Variants in PKIB observed in about 807,000 individuals in gnomAD.
PKIB encodes cAMP-dependent protein kinase inhibitor beta.
Under a neutral mutation model 4.5 loss-of-function variants are expected in PKIB, and 2 were observed. The observed-to-expected ratio is 0.44, with a 90% CI of 0.18 to 1.39. The LOEUF (loss-of-function observed/expected upper bound fraction) is 1.39. Among genes scored for constraint, PKIB ranks in the 40% most tolerant of loss-of-function variants. PKIB has a pLI of 0.27. For synonymous variants in PKIB, 38 were observed against 36.0 expected (o/e 1.06, Z -0.20); for missense variants, 94 against 92.6 (o/e 1.02, Z -0.06).
In PKIB at chr6:122,600,014, T is replaced by G. The variant is rs200491235; in HGVS notation, c.-161+14007T>G. ...ATCTATATCTATATCTATATCTATA[T>G]CTATATCTATATCTATAGCTATATC... On this transcript the variant is annotated intron_variant, in intron 3 of 6. Coordinates refer to the PKIB transcript ENST00000392491. 8.3e-4 allele frequency among the ~76,000 whole-genome samples: 87 copies of G among 105,126 alleles called. 1 individual carries two copies. Among genetic ancestry groups the G allele is most frequent in the East Asian group, 9.6e-4 (3 of 3,120 alleles). The allele number at this position is 105,126 out of a possible 152,430, so 69.0% of individuals were successfully genotyped here.
intron 1 of PKIB, among the ~76,000 whole-genome samples, chr6:122,473,337 TG>T (rs1364834982): frequency 6.6e-6 from 1 of 152,174 alleles, no homozygotes; most frequent in Non-Finnish European, 1.5e-5. Context: ...AATTTAAATT[TG>T]CACAGATTCT....
At chr6:122,599,227 G>C (rs1274161017) in intron 3 of PKIB, among the ~76,000 whole-genome samples, 1 of 152,148 alleles carries the variant, frequency 6.6e-6, no homozygotes, top group Non-Finnish European at 1.5e-5. Context: ...TGGCAGCATG[G>C]GTCAGGAAGG....
At chr6:122,483,430 G>A (rs1775682071) in intron 2 of PKIB, 1 of 152,080 alleles carries the variant, frequency 6.6e-6, no homozygotes, top group African/African-American at 2.4e-5. Context: ...TTTTGTGTAT[G>A]CATATAGAAG....
chr6:122,580,626 C>G (rs1015458759), intron 2 of PKIB, among the ~76,000 whole-genome samples: 1 of 152,068 alleles, frequency 6.6e-6, no homozygotes, highest in African/African-American at 2.4e-5. Context: ...GCTGCTGAAA[C>G]TTGGGGACTG....
At chr6:122,635,844 A>G (rs900940558) in intron 2 of PKIB, among the ~76,000 whole-genome samples, 4 of 152,110 alleles carry the variant, frequency 2.6e-5, no homozygotes, top group Non-Finnish European at 5.9e-5. Flanking sequence ...TTAGGAATAG[A>G]GAGATGTCAT....
chr6:122,564,541 A>C (rs1173228593), intron 2 of PKIB, among the ~76,000 whole-genome samples: 5 of 152,138 alleles, frequency 3.3e-5, no homozygotes, highest in Admixed American at 6.5e-5. Context: ...CATAATAGAT[A>C]AAATAAAGTA....
intron 3 of PKIB, among the ~76,000 whole-genome samples, chr6:122,706,970 A>G (rs1169783660): frequency 6.6e-6 from 1 of 152,056 alleles, no homozygotes; most frequent in East Asian, 1.9e-4. Context: ...GTTTTTAAAT[A>G]TTTTAGATAT....
intron 1 of PKIB, among the ~76,000 whole-genome samples, chr6:122,476,864 C>T (rs961800179): frequency 6.6e-6 from 1 of 152,066 alleles, no homozygotes; most frequent in African/African-American, 2.4e-5. Context: ...TCACCCAAAA[C>T]GTTATTTATT....
chr6:122,498,439 A>C (rs1582659083), intron 2 of PKIB, among the ~76,000 whole-genome samples: 1 of 152,210 alleles, frequency 6.6e-6, no homozygotes, highest in African/African-American at 2.4e-5. Context: ...TCAAGATGAG[A>C]TCTGGGTGTG....
intron 2 of PKIB, among the ~76,000 whole-genome samples, chr6:122,650,602 C>A (rs1776514541): frequency 4.6e-5 from 7 of 152,150 alleles, no homozygotes; most frequent in Admixed American, 3.9e-4. Context: ...ATGATTAAGG[C>A]TGCCTGGGAG....
chr6:122,478,326 T>C (rs1775505814), intron 2 of PKIB: 1 of 152,208 alleles, frequency 6.6e-6, no homozygotes, highest in Non-Finnish European at 1.5e-5. Flanking sequence ...TTTCTAGGAA[T>C]CATCCAGTTT....
intron 3 of PKIB, among the ~76,000 whole-genome samples, chr6:122,704,190 T>A (rs1358548385): frequency 1.3e-5 from 2 of 152,110 alleles, no homozygotes; most frequent in Non-Finnish European, 2.9e-5. Flanking sequence ...CTTCTCTCTA[T>A]CTTTTTATTC....
At chr6:122,613,773 A>G (rs9320882) in intron 1 of PKIB, among the ~76,000 whole-genome samples, 90,901 of 151,454 alleles carry the variant, frequency 0.6, 28,814 homozygotes, top group Non-Finnish European at 0.72. Context: ...AGACCATCCT[A>G]GCCAACATGG....
At chr6:122,698,142 A>G (rs1364811072) in intron 3 of PKIB, among the ~76,000 whole-genome samples, 1 of 152,168 alleles carries the variant, frequency 6.6e-6, no homozygotes, top group Admixed American at 6.5e-5. Context: ...ACAACTCTCT[A>G]CTGAGCTCTA....
chr6:122,502,727 TC>T (rs1402733868), intron 2 of PKIB, among the ~76,000 whole-genome samples: 3 of 152,192 alleles, frequency 2.0e-5, no homozygotes, highest in African/African-American at 7.2e-5. Flanking sequence ...AAACATATTT[TC>T]TTTATATACA....
intron 2 of PKIB, among the ~76,000 whole-genome samples, chr6:122,526,460 G>A (rs929428136): frequency 1.3e-5 from 2 of 152,014 alleles, no homozygotes; most frequent in Non-Finnish European, 2.9e-5. Context: ...ATTACCCCTT[G>A]ATCTATGAGT....
chr6:122,632,792 C>T (rs1271403383), intron 1 of PKIB, among the ~76,000 whole-genome samples: 1 of 152,036 alleles, frequency 6.6e-6, no homozygotes, highest in Non-Finnish European at 1.5e-5. Flanking sequence ...TGAACGGTTG[C>T]AGGGATATAT....
intron 3 of PKIB, among the ~76,000 whole-genome samples, chr6:122,698,406 T>A (rs1414547672): frequency 1.3e-5 from 2 of 152,088 alleles, no homozygotes; most frequent in African/African-American, 4.8e-5. Flanking sequence ...TTCATGGGGG[T>A]GCTGCTCCAA....
chr6:122,537,516 T>A (rs1196866609), intron 2 of PKIB, among the ~76,000 whole-genome samples: 1 of 152,204 alleles, frequency 6.6e-6, no homozygotes, highest in African/African-American at 2.4e-5. Flanking sequence ...GAACTCATCA[T>A]TTTTTATGGC....
Sources: allele counts gnomAD v4.1 joint callset (sites outside exome capture counted in the v4.1 genomes callset), GRCh38; gene constraint gnomAD v4.1.1; transcripts MANE v1.5; gene names NCBI Gene and HGNC (gene_info 2026-07-23, HGNC 2026-07-21).